Variants in CEP128 observed in about 807,000 individuals in gnomAD.
CEP128 encodes the protein centrosomal protein 128kDa.
A neutral mutation model predicts 156.7 loss-of-function variants in CEP128; 132 were observed. The ratio of observed to expected loss-of-function variants is 0.84; its 90% CI spans 0.73 to 0.97. The LOEUF (loss-of-function observed/expected upper bound fraction) is 0.97. CEP128 is among the 50% of genes least tolerant of loss of function. CEP128 has a pLI of 0.00. For missense variants in CEP128, 1,252 were observed against 1,281.9 expected (o/e 0.98, Z 0.36); for synonymous variants, 469 against 448.9 (o/e 1.04, Z -0.57).
chr14:80,914,028 C>G (rs1884402790), intron 4 of CEP128, among the ~76,000 whole-genome samples: 1 of 152,132 alleles, frequency 6.6e-6, no homozygotes, highest in Non-Finnish European at 1.5e-5. Context: ...ATTCTTAACT[C>G]TACATGAGGG....
chr14:80,948,337 C>T (rs1886391144), intron 2 of CEP128, among the ~76,000 whole-genome samples: 1 of 152,210 alleles, frequency 6.6e-6, no homozygotes, highest in Non-Finnish European at 1.5e-5. Flanking sequence ...TGAAGCCCTG[C>T]TGATCCCATG....
At chr14:80,736,710 TAC>T (rs1395485100) in intron 19 of CEP128, among the ~76,000 whole-genome samples, 2 of 152,232 alleles carry the variant, frequency 1.3e-5, no homozygotes, top group East Asian at 3.8e-4. Context: ...TTAGGCCCGT[TAC>T]ACAGAGGTGA....
intron 8 of CEP128, among the ~76,000 whole-genome samples, chr14:80,877,079 C>A (rs1032158440): frequency 1.3e-5 from 2 of 152,018 alleles, no homozygotes; most frequent in Non-Finnish European, 2.9e-5. Context: ...AAGATCTTTG[C>A]ATTTTCTGGA....
At chr14:80,518,781 G>A (rs1209337263) in intron 23 of CEP128, among the ~76,000 whole-genome samples, 1 of 151,946 alleles carries the variant, frequency 6.6e-6, no homozygotes, top group Non-Finnish European at 1.5e-5. Flanking sequence ...ATATCTTTAA[G>A]TTCTAATATA....
intron 23 of CEP128, among the ~76,000 whole-genome samples, chr14:80,508,256 T>C (rs886101584): frequency 1.3e-5 from 2 of 152,212 alleles, no homozygotes; most frequent in African/African-American, 2.4e-5. Flanking sequence ...ACTTGGCATA[T>C]GATAGTCAAA....
At chr14:80,931,340 T>A (rs1885452998) in intron 2 of CEP128, among the ~76,000 whole-genome samples, 1 of 152,210 alleles carries the variant, frequency 6.6e-6, no homozygotes, top group South Asian at 2.1e-4. Context: ...GTGTCATCCA[T>A]GGAGAAATGC....
At chr14:80,847,883 A>G (rs934306916) in intron 9 of CEP128, among the ~76,000 whole-genome samples, 1 of 152,220 alleles carries the variant, frequency 6.6e-6, no homozygotes, top group Non-Finnish European at 1.5e-5. Context: ...CCTGAATTAT[A>G]TTAGGTACAT....
intron 13 of CEP128, among the ~76,000 whole-genome samples, chr14:80,799,767 C>G (rs1314444799): frequency 1.3e-5 from 2 of 152,166 alleles, no homozygotes; most frequent in Non-Finnish European, 2.9e-5. Context: ...GGGAAAAACT[C>G]TGCCCCTGGT....
rs1371933273 is a variant in CEP128, at chr14:80,756,933, C to G, written c.2572G>C (p.Asp858His). Residue 858 changes from aspartate (D) to histidine (H), a missense_variant, in exon 18 of 25, where the codon GAT becomes CAT. Physicochemically the swap from Asp to His is moderately conservative, Grantham distance 81. Coordinates refer to ENST00000555265, the MANE Select transcript of CEP128 (RefSeq NM_152446.5). ...CAGCGATGTGGGTCATAATGTATATCAGGACCAGATGAAAAAACCTACAAA... is the reference window on the plus strand; with the variant it reads ...CAGCGATGTGGGTCATAATGTATATGAGGACCAGATGAAAAAACCTACAAA... The part of the protein sequence containing the change: ...EKLKVFSSGP[D>H]IHYDPHRWLA... The G allele has an allele frequency of 1.9e-6, 3 of 1,599,894 alleles. No individual in the cohort carries two copies. The highest frequency in any genetic ancestry group is 2.6e-6 in the Non-Finnish European group (3 of 1,169,238).
rs1001535522 is a variant in CEP128, at chr14:80,789,170, G to A, written c.1560+3590C>T. Among the ~76,000 whole-genome samples the A allele has an allele frequency of 2.0e-5, 3 of 151,990 alleles. No homozygotes were observed. The East Asian group carries it at 5.8e-4, about 29-fold the overall frequency. On this transcript the variant is annotated intron_variant, in intron 14 of 24. Coordinates refer to ENST00000555265, the MANE Select transcript of CEP128 (RefSeq NM_152446.5). ...AAGAAAGAAATTGAAGATGTGATGAGAACAACATCAAAGTAGCTTTCAATG... is the reference window on the plus strand; with the variant it reads ...AAGAAAGAAATTGAAGATGTGATGAAAACAACATCAAAGTAGCTTTCAATG...
intron 6 of CEP128, among the ~76,000 whole-genome samples, chr14:80,902,659 ACTAATACTT>A (rs1377577543): frequency 2.6e-5 from 4 of 152,304 alleles, no homozygotes; most frequent in Non-Finnish European, 5.9e-5. Context: ...TTTCCACACA[ACTAATACTT>A]CAGAAATCTT....
At chr14:80,744,049 A>AT (rs1308063410) in intron 18 of CEP128, among the ~76,000 whole-genome samples, 1 of 151,436 alleles carries the variant, frequency 6.6e-6, no homozygotes, top group East Asian at 1.9e-4. Flanking sequence ...TGTTTTTTGT[A>AT]TTTTTTGTAG....
intron 14 of CEP128, among the ~76,000 whole-genome samples, chr14:80,485,157 T>C (rs1288590959): frequency 6.6e-6 from 1 of 152,114 alleles, no homozygotes; most frequent in Non-Finnish European, 1.5e-5. Flanking sequence ...CTGAATATCA[T>C]CTTCATTTAA....
At chr14:80,739,506 C>T (rs568304086) in intron 19 of CEP128, among the ~76,000 whole-genome samples, 25 of 152,274 alleles carry the variant, frequency 1.6e-4, no homozygotes, top group Middle Eastern at 3.4e-3. Flanking sequence ...ATCAACAGCC[C>T]CTTCTACTCA....
chr14:80,705,396 C>T (rs12588325), intron 19 of CEP128, among the ~76,000 whole-genome samples: 1 of 151,920 alleles, frequency 6.6e-6, no homozygotes, highest in Non-Finnish European at 1.5e-5. Context: ...ATTCATGAAA[C>T]CCAGAGCTTT....
chr14:80,647,047 A>ATGTGTGTG (rs1566831528), intron 19 of CEP128, among the ~76,000 whole-genome samples: 10 of 4,950 alleles, frequency 2.0e-3, no homozygotes, highest in Admixed American at 2.1e-3. Flanking sequence ...GTATATATAT[A>ATGTGTGTG]TATATATATA....
At chr14:80,525,477 G>T (rs919430430) in intron 23 of CEP128, among the ~76,000 whole-genome samples, 5 of 152,112 alleles carry the variant, frequency 3.3e-5, no homozygotes, top group African/African-American at 9.7e-5. Context: ...ATGTCTTGTG[G>T]TTTGTTCTAA....
intron 19 of CEP128, among the ~76,000 whole-genome samples, chr14:80,684,569 G>GAGTA (rs1166637801): frequency 6.6e-6 from 1 of 151,754 alleles, no homozygotes; most frequent in Non-Finnish European, 1.5e-5. Flanking sequence ...AATCAAGGAG[G>GAGTA]AGTAACTCCT....
At chr14:80,945,695 G>C (rs767993501), upstream of CEP128, 4 of 152,196 alleles carry the variant, frequency 2.6e-5, no homozygotes, top group Non-Finnish European at 4.4e-5. Flanking sequence ...CTTGATGTAC[G>C]GGTAAGAGCT....
Sources: gnomAD v4.1 joint callset for allele counts (sites outside exome capture counted in the v4.1 genomes callset) on GRCh38, gnomAD v4.1.1 for gene constraint, MANE v1.5 for transcripts, NCBI Gene and HGNC (gene_info 2026-07-23, HGNC 2026-07-21) for gene names.